Variants in FRMPD4 observed in about 807,000 individuals in gnomAD.
FRMPD4 encodes the protein FERM and PDZ domain-containing protein 4.
A neutral mutation model predicts 94.1 loss-of-function variants in FRMPD4; 22 were observed. The ratio of observed to expected loss-of-function variants is 0.23; its 90% CI spans 0.17 to 0.33. The LOEUF (loss-of-function observed/expected upper bound fraction) is 0.33. Ranked by LOEUF, FRMPD4 falls within the 10% of genes least tolerant of loss-of-function variation. The pLI is 1.00. For missense variants in FRMPD4, 1,111 were observed against 1,339.9 expected (o/e 0.83, Z 2.67); for synonymous variants, 631 against 548.6 (o/e 1.15, Z -2.10).
At chrX:12,604,990 G>A in intron 2 of FRMPD4, among the ~76,000 whole-genome samples, 1 of 112,344 alleles carries the variant, frequency 8.9e-6, no homozygotes, top group East Asian at 2.8e-4. Context: ...GTTTTCACAA[G>A]TATCTTATGA....
intron 3 of FRMPD4, among the ~76,000 whole-genome samples, chrX:12,111,522 T>C (rs1205965322): frequency 7.2e-5 from 8 of 111,432 alleles, no homozygotes; most frequent in Non-Finnish European, 1.5e-4. Context: ...AAGGACTTCA[T>C]GTCTAAAACA....
At chrX:12,206,111 G>T (rs1031737562) in intron 1 of FRMPD4, among the ~76,000 whole-genome samples, 2 of 112,157 alleles carry the variant, frequency 1.8e-5, no homozygotes, top group Non-Finnish European at 3.8e-5. Flanking sequence ...CTTTATCACT[G>T]TGTGATCTTT....
chrX:11,906,292 C>T (rs1241494161), intron 3 of FRMPD4, among the ~76,000 whole-genome samples: 4 of 109,868 alleles, frequency 3.6e-5, no homozygotes, highest in East Asian at 2.8e-4. Flanking sequence ...GGACTACAGA[C>T]GCCTGCCACC....
At chrX:12,127,538 G>A (rs1037518455) in intron 3 of FRMPD4, among the ~76,000 whole-genome samples, 1 of 111,655 alleles carries the variant, frequency 9.0e-6, no homozygotes, top group Non-Finnish European at 1.9e-5. Context: ...GGGATTATGA[G>A]AATTATAATT....
intron 3 of FRMPD4, among the ~76,000 whole-genome samples, chrX:12,026,905 T>C (rs746120838): frequency 8.9e-6 from 1 of 112,731 alleles, no homozygotes; most frequent in African/African-American, 3.2e-5. Context: ...TCTCTTTAAC[T>C]GATCACGTCA....
chrX:12,644,875 G>T (rs976431212), intron 4 of FRMPD4, among the ~76,000 whole-genome samples: 2 of 112,001 alleles, frequency 1.8e-5, no homozygotes, highest in African/African-American at 6.5e-5. Flanking sequence ...CATTTACCTG[G>T]AGAAACTGCA....
At chrX:12,310,529 C>A (rs1360215756) in intron 1 of FRMPD4, among the ~76,000 whole-genome samples, 4 of 111,996 alleles carry the variant, frequency 3.6e-5, no homozygotes, top group Non-Finnish European at 5.6e-5. Context: ...TCTCAACTTG[C>A]CTTCAGTAAA....
At chrX:12,085,716 A>G (rs1339926843) in intron 3 of FRMPD4, among the ~76,000 whole-genome samples, 3 of 110,653 alleles carry the variant, frequency 2.7e-5, no homozygotes, top group African/African-American at 9.9e-5. Flanking sequence ...TACAAAAAAT[A>G]TAAAAATTAG....
chrX:12,312,446 G>A lies in FRMPD4; in HGVS notation c.41+173434G>A, dbSNP rs757907814. The stretch of plus-strand genomic sequence containing the variant: ...TTTTTTGTATTTTTAGTAGAGACGG[G>A]GTTTCACCATGTTAGCCAGGATGGT... On this transcript the variant is annotated intron_variant, in intron 1 of 16. Transcript: ENST00000675598. 3.7e-5 allele frequency among the ~76,000 whole-genome samples: 4 copies of A among 107,964 alleles called. No homozygotes were observed. The East Asian group carries it at 1.2e-3, about 32-fold the overall frequency. 93.8% of individuals were successfully genotyped at this position (107,964 alleles called of 115,157 possible). A position where few individuals can be genotyped will look rare whatever the true frequency, so the allele number is the denominator to read the frequency against.
rs749525890 is a variant in FRMPD4 at position 12,222,956 on chromosome X, T to G, written c.41+83944T>G. Among the ~76,000 whole-genome samples, 17 of 112,374 alleles carry G rather than the reference T, an allele frequency of 1.5e-4. No homozygotes were observed. The East Asian group carries it at 4.8e-3, about 31-fold the overall frequency. On this transcript the variant is annotated intron_variant, in intron 1 of 16. Transcript: ENST00000675598. Reference sequence around the variant, plus strand: ...TATCAATAAAGTTGTTATGTACATGTGCATAGAAATCTTTGTGTGGGCATA... The same window carrying G: ...TATCAATAAAGTTGTTATGTACATGGGCATAGAAATCTTTGTGTGGGCATA...
intron 2 of FRMPD4, among the ~76,000 whole-genome samples, chrX:12,544,263 T>A (rs1569326904): frequency 9.0e-6 from 1 of 110,826 alleles, no homozygotes. Flanking sequence ...AGAAAAAAAA[T>A]TATGGTGCAA....
chrX:12,341,393 G>A (rs769106757), intron 1 of FRMPD4, among the ~76,000 whole-genome samples: 7 of 110,806 alleles, frequency 6.3e-5, no homozygotes, highest in Admixed American at 2.9e-4. Context: ...AACTCAAATT[G>A]TGATTGCTTT....
At chrX:12,463,251 A>G (rs958978736) in intron 1 of FRMPD4, among the ~76,000 whole-genome samples, 2 of 110,618 alleles carry the variant, frequency 1.8e-5, no homozygotes, top group Non-Finnish European at 3.8e-5. Context: ...GGCGCCCCCC[A>G]CTGTCACTGT....
chrX:12,491,074 G>C (rs1428410217), intron 1 of FRMPD4, among the ~76,000 whole-genome samples: 1 of 110,350 alleles, frequency 9.1e-6, no homozygotes, highest in Non-Finnish European at 1.9e-5. Flanking sequence ...TTTCCCTAGA[G>C]CCACACCAGC....
At chrX:12,121,261 A>G (rs1383935716) in intron 3 of FRMPD4, among the ~76,000 whole-genome samples, 1 of 110,570 alleles carries the variant, frequency 9.0e-6, no homozygotes, top group East Asian at 2.8e-4. Context: ...CAGCTTTTTA[A>G]GGCCAGATCT....
chrX:12,005,813 G>A (rs1436588424), intron 3 of FRMPD4, among the ~76,000 whole-genome samples: 1 of 108,444 alleles, frequency 9.2e-6, no homozygotes, highest in African/African-American at 3.4e-5. Flanking sequence ...GGGTGGGCTT[G>A]TGATTCTGTT....
chrX:12,149,048 C>T (rs948342449), intron 1 of FRMPD4: 2 of 111,768 alleles, frequency 1.8e-5, no homozygotes, highest in African/African-American at 3.2e-5. Context: ...TTTTCATGCC[C>T]GTTAACACAA....
At position 12,718,274 on chromosome X, in the gene FRMPD4, T is replaced by A. The variant is rs765053548; in HGVS notation, c.3448T>A (p.Phe1150Ile). Residue 1150 changes from phenylalanine (F) to isoleucine (I), a missense_variant, in exon 16 of 17, where the codon TTC becomes ATC. Transcript: ENST00000675598. ...DGSGLGQGDR[F>I]LTDVTCASSA... ...CTCAGGACTTGGTCAAGGGGACCGC[T>A]TCTTAACTGACGTGACCTGTGCATC... is the stretch of plus-strand genomic sequence containing the variant. 3.3e-6 allele frequency: 4 copies of A among 1,211,578 alleles called. No individual in the cohort carries two copies. The highest frequency in any genetic ancestry group is 4.5e-6 in the Non-Finnish European group (4 of 895,274).
At chrX:12,361,512 C>T (rs1478957204) in intron 1 of FRMPD4, among the ~76,000 whole-genome samples, 2 of 112,187 alleles carry the variant, frequency 1.8e-5, no homozygotes, top group East Asian at 5.6e-4. Context: ...AATGCCAGTC[C>T]TGTCTTTCCA....
Sources: gnomAD v4.1 joint callset for allele counts (sites outside exome capture counted in the v4.1 genomes callset) on GRCh38, gnomAD v4.1.1 for gene constraint, MANE v1.5 for transcripts, NCBI Gene and HGNC (gene_info 2026-07-23, HGNC 2026-07-21) for gene names.